The following NECTIN2 variants were observed in gnomAD, a reference collection of about 807,000 sequenced individuals.
NECTIN2 encodes nectin-2.
NECTIN2 carries 23 observed loss-of-function variants against 56.9 expected under a neutral mutation model. The ratio of observed to expected loss-of-function variants is 0.40; its 90% CI spans 0.29 to 0.57. The LOEUF (loss-of-function observed/expected upper bound fraction) is 0.57, where lower values mean the gene tolerates loss of function less well. Ranked by LOEUF, NECTIN2 falls within the 20% of genes least tolerant of loss-of-function variation. The probability of loss-of-function intolerance (pLI) is 0.38; values close to 1 mark genes in which losing one functional copy is unlikely to be tolerated. For synonymous variants in NECTIN2, 302 were observed against 313.8 expected, an observed-to-expected ratio of 0.96 and a Z score of 0.40; for missense variants, 587 against 718.3, an observed-to-expected ratio of 0.82 and a Z score of 2.09.
In NECTIN2 at chr19:44,869,121, TCTC is replaced by T. The variant is rs201198088; in HGVS notation, c.479-2727_479-2725del. ...TTTCCATAATACAAAGGACAGCTCT[TCTC>T]CTCCCCACCCTCACAAACGCCTCTC... On this transcript the variant is annotated intron_variant, in intron 2 of 8. Coordinates refer to ENST00000252483, the MANE Select transcript of NECTIN2 (RefSeq NM_001042724.2). Among the ~76,000 whole-genome samples the T allele has an allele frequency of 6.6e-3, 1,008 of 152,088 alleles. 10 individuals are homozygous for T. Among genetic ancestry groups the T allele is most frequent in the African/African-American group, 0.023 (961 of 41,478 alleles).
intron 6 of NECTIN2, 61 bp from the exon 7 acceptor site, chr19:44,885,876 C>G (rs1465069452): frequency 7.2e-7 from 1 of 1,389,934 alleles, no homozygotes; most frequent in Non-Finnish European, 1.0e-6. Flanking sequence ...TGTGCCATAA[C>G]CCCGGAGTCA....
At chr19:44,846,741 C>T in intron 1 of NECTIN2, 128 bp downstream of exon 1, 1 of 1,123,568 alleles carries the variant, frequency 8.9e-7, no homozygotes, top group Non-Finnish European at 1.2e-6. Flanking sequence ...TGCCCCCTTC[C>T]TGGCTGGCCC....
intron 1 of NECTIN2, among the ~76,000 whole-genome samples, chr19:44,857,599 G>A (rs1468958092): frequency 6.6e-6 from 1 of 151,856 alleles, no homozygotes; most frequent in Non-Finnish European, 1.5e-5. Context: ...ATGGGATTTC[G>A]CCATGCTGGC....
At chr19:44,867,305 A>G (rs1969112382) in intron 2 of NECTIN2, among the ~76,000 whole-genome samples, 1 of 152,072 alleles carries the variant, frequency 6.6e-6, no homozygotes, top group Non-Finnish European at 1.5e-5. Flanking sequence ...TATAGGCATG[A>G]GCCACTGAGC....
intron 1 of NECTIN2, among the ~76,000 whole-genome samples, chr19:44,847,960 A>C (rs1357469929): frequency 1.1e-4 from 16 of 152,034 alleles, no homozygotes; most frequent in Admixed American, 1.0e-3. Flanking sequence ...GGAACCCTTG[A>C]AAGAGGCGCT....
At chr19:44,854,034 G>C (rs4803763) in intron 1 of NECTIN2, among the ~76,000 whole-genome samples, 34,162 of 151,916 alleles carry the variant, frequency 0.22, 4,237 homozygotes, top group Middle Eastern at 0.32. Context: ...GGAGGGGAGA[G>C]GAGGTGGCAG....
intron 1 of NECTIN2, among the ~76,000 whole-genome samples, chr19:44,852,420 CTTTT>C (rs777631913): frequency 8.4e-6 from 1 of 118,488 alleles, no homozygotes; most frequent in African/African-American, 3.2e-5. Flanking sequence ...TTTTCTTTCT[CTTTT>C]TGTTTTTTTT....
At chr19:44,847,063 C>G (rs1968844449) in intron 1 of NECTIN2, among the ~76,000 whole-genome samples, 1 of 152,086 alleles carries the variant, frequency 6.6e-6, no homozygotes, top group East Asian at 1.9e-4. Flanking sequence ...GAGGCGAGAC[C>G]ACCTCCCTCC....
intron 2 of NECTIN2, among the ~76,000 whole-genome samples, chr19:44,869,450 G>A (rs8104292): frequency 0.31 from 46,756 of 151,306 alleles, 7,416 homozygotes; most frequent in Middle Eastern, 0.47. Context: ...AAAATTAGCC[G>A]GGCGTGGTGG....
chr19:44,865,726 G>A lies in NECTIN2; in HGVS notation c.478+66G>A. ...CGCGGTGTGGGAGCATCCCCTTGCG[G>A]GTCAGTTTCTCTCTTGGCTTCAGCT... is the stretch of plus-strand genomic sequence containing the variant. On this transcript the variant is annotated intron_variant, in intron 2 of 8. Coordinates refer to ENST00000252483, the MANE Select transcript of NECTIN2 (RefSeq NM_001042724.2). The surrounding 1 kb of genome is among the most constrained non-coding windows in gnomAD (Gnocchi z 5.2). 7.0e-7 allele frequency: 1 copy of A among 1,429,730 alleles called. No homozygotes were observed. Among genetic ancestry groups the A allele is most frequent in the Non-Finnish European group, 9.2e-7 (1 of 1,086,970 alleles). 88.6% of individuals were successfully genotyped at this position (1,429,730 alleles called of 1,614,324 possible). A position where few individuals can be genotyped will look rare whatever the true frequency, so the allele number is the denominator to read the frequency against.
chr19:44,850,523 T>C (rs1315903141), intron 1 of NECTIN2, among the ~76,000 whole-genome samples: 1 of 151,960 alleles, frequency 6.6e-6, no homozygotes, highest in Non-Finnish European at 1.5e-5. Context: ...TGTGTGCCTA[T>C]AGTCCCAGCT....
chr19:44,865,684 C>A lies in NECTIN2; in HGVS notation c.478+24C>A. The A allele has an allele frequency of 6.7e-7, 1 of 1,490,358 alleles. No homozygotes were observed. Among genetic ancestry groups the A allele is most frequent in the Non-Finnish European group, 8.9e-7 (1 of 1,118,526 alleles). The allele number at this position is 1,490,358 out of a possible 1,614,324, so 92.3% of individuals were successfully genotyped here. ...AGGTGAGCAGGGTAAGGGCGGGAGG[C>A]AAGGAGGTGGGAGGGCCGCGGTGTG... On this transcript the variant is annotated intron_variant, in intron 2 of 8. Transcript: ENST00000252483. The surrounding 1 kb of genome is among the most constrained non-coding windows in gnomAD (Gnocchi z 5.2).
At chr19:44,885,307 CTT>C (rs34485333) in intron 6 of NECTIN2, among the ~76,000 whole-genome samples, 34,112 of 112,808 alleles carry the variant, frequency 0.3, 5,250 homozygotes, top group African/African-American at 0.46. Context: ...ATCTTTCTTT[CTT>C]TTTTTTTTTT....
At chr19:44,878,824 G>A in intron 5 of NECTIN2, 2 of 1,382,424 alleles carry the variant, frequency 1.4e-6, no homozygotes, top group Non-Finnish European at 1.9e-6. Flanking sequence ...GGAGCCCGGG[G>A]AGCTGAGTAG....
At chr19:44,858,164 A>T (rs1004770547) in intron 1 of NECTIN2, among the ~76,000 whole-genome samples, 1 of 151,892 alleles carries the variant, frequency 6.6e-6, no homozygotes, top group Non-Finnish European at 1.5e-5. Flanking sequence ...TCTTTTCTCA[A>T]GTTGGGTGGG....
intron 5 of NECTIN2, among the ~76,000 whole-genome samples, chr19:44,876,534 C>T (rs11667640): frequency 0.074 from 11,251 of 152,156 alleles, 477 homozygotes; most frequent in Admixed American, 0.15. Context: ...CTCTAGAAAT[C>T]CCGTCTCAAG....
chr19:44,872,727 T>A (rs569988788), intron 3 of NECTIN2, among the ~76,000 whole-genome samples: 1 of 151,590 alleles, frequency 6.6e-6, no homozygotes, highest in Non-Finnish European at 1.5e-5. Context: ...CTAGGTGCCA[T>A]CTATACTGAG....
At position 44,875,785 on chromosome 19, in the gene NECTIN2, AC is replaced by A. The variant is rs1477515291; in HGVS notation, c.1042+1310del. Among the ~76,000 whole-genome samples the A allele has an allele frequency of 6.6e-6, 1 of 152,172 alleles. No homozygotes were observed. Among genetic ancestry groups the A allele is most frequent in the Non-Finnish European group, 1.5e-5 (1 of 68,038 alleles). ...AGAATGCACACACACTTGCAGGGAC[AC>A]CCGAGGGAAAACAGACACCTCTTCA... is the stretch of plus-strand genomic sequence containing the variant. On this transcript the variant is annotated intron_variant, in intron 5 of 8. Transcript: ENST00000252483. The surrounding 1 kb of genome is among the most constrained non-coding windows in gnomAD (Gnocchi z 4.2).
intron 3 of NECTIN2, among the ~76,000 whole-genome samples, chr19:44,873,248 C>T (rs1008490029): frequency 6.6e-6 from 1 of 152,168 alleles, no homozygotes; most frequent in Non-Finnish European, 1.5e-5. Flanking sequence ...ATAAGTGCAA[C>T]AGCTCCCCTG....
Sources: gnomAD v4.1 joint callset for allele counts (sites outside exome capture counted in the v4.1 genomes callset) on GRCh38, gnomAD v4.1.1 for gene constraint, Gnocchi (gnomAD v3.1) non-coding constraint, MANE v1.5 for transcripts, NCBI Gene and HGNC (gene_info 2026-07-23, HGNC 2026-07-21) for gene names.